Variants in MUC22 observed in about 807,000 individuals in gnomAD.
MUC22 encodes mucin-22.
MUC22 carries 24 observed loss-of-function variants against 40.3 expected under a neutral mutation model. That is an observed-to-expected ratio of 0.60 (90% CI 0.43 to 0.84). The LOEUF is 0.84. Ranked by LOEUF, MUC22 falls within the 40% of genes least tolerant of loss-of-function variation. The pLI, the probability that MUC22 is intolerant of heterozygous loss-of-function variation, is 0.00. For missense variants in MUC22, 1,926 were observed against 2,130.7 expected (o/e 0.90, Z 1.89); for synonymous variants, 765 against 844.5 (o/e 0.91, Z 1.63).
chr6:31,026,142 C>T (rs989627723), exon 2 of MUC22: 16 of 1,532,774 alleles, frequency 1.0e-5, no homozygotes, highest in African/African-American at 4.1e-5. Flanking sequence ...GCTCTGAGGC[C>T]ACCACAACCT....
intron 1 of MUC22, among the ~76,000 whole-genome samples, chr6:31,020,786 G>T (rs9391705): frequency 1.3e-5 from 2 of 149,330 alleles, no homozygotes; most frequent in African/African-American, 5.0e-5. Flanking sequence ...GTTCCAGGTA[G>T]GCGTGGGCTT....
Position 31,028,621 on chromosome 6 carries a change from AC to A in MUC22, c.3192del (p.Thr1065ProfsTer2). 6.5e-7 allele frequency: 1 copy of A among 1,534,566 alleles called. No homozygotes were observed. The highest frequency in any genetic ancestry group is 8.7e-7 in the Non-Finnish European group (1 of 1,146,628). On this transcript the variant is annotated frameshift_variant, in exon 2 of 4. Transcript: ENST00000561890. LOFTEE classifies it high-confidence loss of function. The stretch of plus-strand genomic sequence containing the variant: ...CACAGTCTTCACTGAAAACTCTGAG[AC>A]CACCATAGCCTCTACCACAGCCTCT...
exon 2 of MUC22, chr6:31,026,287 G>C: frequency 6.6e-7 from 1 of 1,516,576 alleles, no homozygotes; most frequent in African/African-American, 1.4e-5. Context: ...TAAAGCCTCT[G>C]AGACCACCAC....
chr6:31,020,963 C>T (rs1293659632), intron 1 of MUC22, among the ~76,000 whole-genome samples: 1 of 152,222 alleles, frequency 6.6e-6, no homozygotes, highest in African/African-American at 2.4e-5. Context: ...TCCCATGGGG[C>T]AGGGCTGGGG....
chr6:31,022,656 C>T (rs1312798824), intron 1 of MUC22, among the ~76,000 whole-genome samples: 2 of 151,730 alleles, frequency 1.3e-5, no homozygotes, highest in African/African-American at 4.8e-5. Context: ...AACAGTGGTA[C>T]AAGGGATAGA....
chr6:31,022,241 C>T (rs1265425368), intron 1 of MUC22, among the ~76,000 whole-genome samples: 4 of 152,278 alleles, frequency 2.6e-5, no homozygotes, highest in East Asian at 1.9e-4. Flanking sequence ...CCACCAATTC[C>T]AGACACACTG....
At chr6:31,034,956 T>C (rs927909610) in exon 4 of MUC22, 4 of 1,528,868 alleles carry the variant, frequency 2.6e-6, no homozygotes, top group African/African-American at 1.4e-5. Flanking sequence ...ATGGAGTGGA[T>C]CACAGAGGGA....
chr6:31,022,028 T>G (rs9262529), intron 1 of MUC22, among the ~76,000 whole-genome samples: 2 of 151,350 alleles, frequency 1.3e-5, no homozygotes, highest in African/African-American at 4.9e-5. Context: ...TCCACACGCA[T>G]GGGCTTAAGA....
At chr6:31,023,978 A>G (rs1185750120) in intron 1 of MUC22, among the ~76,000 whole-genome samples, 1 of 152,218 alleles carries the variant, frequency 6.6e-6, no homozygotes, top group Non-Finnish European at 1.5e-5. Context: ...GGACACATTG[A>G]TATTATCTGT....
exon 4 of MUC22, chr6:31,035,249 A>T: frequency 5.6e-6 from 2 of 359,650 alleles, no homozygotes; most frequent in South Asian, 8.6e-5. Context: ...TGTTGTGGGG[A>T]GTCACGACAA....
chr6:31,023,325 C>T (rs1765027663), intron 1 of MUC22, among the ~76,000 whole-genome samples: 1 of 151,946 alleles, frequency 6.6e-6, no homozygotes, highest in Non-Finnish European at 1.5e-5. Flanking sequence ...TACTTGAGCC[C>T]AGGAGTTCGA....
At chr6:31,020,543 G>C (rs573902408) in intron 1 of MUC22, among the ~76,000 whole-genome samples, 1 of 149,236 alleles carries the variant, frequency 6.7e-6, no homozygotes, top group East Asian at 2.1e-4. Flanking sequence ...CTCCCGGTGA[G>C]AGGTGACAGC....
intron 3 of MUC22, among the ~76,000 whole-genome samples, chr6:31,033,776 T>C (rs1358872519): frequency 6.6e-6 from 1 of 152,206 alleles, no homozygotes; most frequent in African/African-American, 2.4e-5. Context: ...CACTTTTCCC[T>C]CGGAGAGCCT....
Position 31,034,734 on chromosome 6 carries a change from C to G in MUC22, c.5118C>G (p.Ser1706Arg), listed in dbSNP as rs868191672. ...ATTACCCCCATGGCCACAGCCACAG[C>G]CTTGGTCTGGACCTGAACTTGGGCC... Residue 1706 changes from serine (S) to arginine (R), a missense_variant, in exon 4 of 4, where the codon AGC (serine) becomes AGG (arginine). This residue lies in a region of MUC22 where 610 missense variants were observed against 714.6 expected (regional missense o/e 0.85). Transcript: ENST00000561890. 5 of 1,535,592 alleles carry G rather than the reference C, an allele frequency of 3.3e-6. No homozygotes were observed. In the African/African-American group the frequency reaches 6.8e-5, roughly 21 times the overall value.
chr6:31,032,351 A>G lies in MUC22; in HGVS notation c.4825A>G (p.Thr1609Ala). The change falls in exon 3 of 4, where the codon ACC becomes GCC. Residue 1609 changes from threonine to alanine, a missense_variant. Around this residue, in one of 3 missense-constraint regions of MUC22, gnomAD observed 610 missense variants for 714.6 expected, o/e 0.85. Coordinates refer to ENST00000561890, the Ensembl canonical transcript of MUC22. The surrounding 1 kb of genome is among the most constrained non-coding windows in gnomAD (Gnocchi z 4.1). Reference sequence around the variant, plus strand: ...ATCCACTATGGGAGCATCATCTACCACCTCAGCCCACGGCGTCAGGACCAC... The same window carrying G: ...ATCCACTATGGGAGCATCATCTACCGCCTCAGCCCACGGCGTCAGGACCAC... The G allele has an allele frequency of 6.5e-7, 1 of 1,535,418 alleles. No individual in the cohort carries two copies. Among genetic ancestry groups the G allele is most frequent in the Non-Finnish European group, 8.7e-7 (1 of 1,146,848 alleles).
chr6:31,012,848 C>A (rs2150743300), intron 1 of MUC22, among the ~76,000 whole-genome samples: 1 of 152,288 alleles, frequency 6.6e-6, no homozygotes. Flanking sequence ...CCCCTCCCAT[C>A]TCACTTTACC....
At chr6:31,013,211 C>T (rs1763971035) in intron 1 of MUC22, among the ~76,000 whole-genome samples, 1 of 150,482 alleles carries the variant, frequency 6.6e-6, no homozygotes, top group Non-Finnish European at 1.5e-5. Context: ...ACTGCAACCT[C>T]TGCCTCCCAG....
chr6:31,021,025 C>A (rs1007312973), intron 1 of MUC22, among the ~76,000 whole-genome samples: 3 of 103,304 alleles, frequency 2.9e-5, no homozygotes, highest in African/African-American at 1.1e-4. Flanking sequence ...GGCTTCTGTG[C>A]GGCCGGAGCC....
At chr6:31,030,333 C>T (rs1247592239) in intron 2 of MUC22, among the ~76,000 whole-genome samples, 1 of 152,030 alleles carries the variant, frequency 6.6e-6, no homozygotes, top group African/African-American at 2.4e-5. Flanking sequence ...CTGGCTAACA[C>T]GGTGAAATCC....
Sources: gnomAD v4.1 joint callset for allele counts (sites outside exome capture counted in the v4.1 genomes callset) on GRCh38, gnomAD v4.1.1 for gene constraint, gnomAD v4.1.1 regional missense constraint, Gnocchi (gnomAD v3.1) non-coding constraint, MANE v1.5 for transcripts, NCBI Gene and HGNC (gene_info 2026-07-23, HGNC 2026-07-21) for gene names.